BBS7: variants seen among roughly 807,000 people sequenced by gnomAD.
The protein encoded by BBS7 is BBSome complex member BBS7.
A neutral mutation model predicts 90.3 loss-of-function variants in BBS7; 50 were observed. That is an observed-to-expected ratio of 0.55 (90% CI 0.44 to 0.70). The LOEUF (loss-of-function observed/expected upper bound fraction) is 0.70. BBS7 is among the 30% of genes least tolerant of loss of function. The probability of loss-of-function intolerance (pLI) is 0.00; values close to 1 mark genes in which losing one functional copy is unlikely to be tolerated. For missense variants in BBS7, 729 were observed against 838.9 expected (o/e 0.87, Z 1.62); for synonymous variants, 235 against 287.4 (o/e 0.82, Z 1.85).
chr4:121,851,949 C>A (rs1401881691), intron 8 of BBS7, among the ~76,000 whole-genome samples: 1 of 152,104 alleles, frequency 6.6e-6, no homozygotes, highest in African/African-American at 2.4e-5. Context: ...GAATAAAAGT[C>A]AAAGAGGAGA....
chr4:121,848,731 A>G, intron 9 of BBS7, 113 bp downstream of exon 9: 1 of 807,814 alleles, frequency 1.2e-6, no homozygotes, highest in Non-Finnish European at 2.0e-6. Context: ...CCCCATGAAT[A>G]AGGGGGGACT....
intron 7 of BBS7, among the ~76,000 whole-genome samples, chr4:121,853,775 A>C (rs1726449892): frequency 6.7e-6 from 1 of 149,678 alleles, no homozygotes; most frequent in African/African-American, 2.5e-5. Context: ...TCACACTCCC[A>C]CTGACAATTT....
intron 2 of BBS7, among the ~76,000 whole-genome samples, chr4:121,866,891 C>T (rs905454067): frequency 2.0e-5 from 3 of 152,052 alleles, no homozygotes; most frequent in Non-Finnish European, 4.4e-5. Flanking sequence ...TCCTTTTACT[C>T]AGGATTGTTT....
At chr4:121,849,733 G>A (rs1000217542) in intron 8 of BBS7, among the ~76,000 whole-genome samples, 7 of 152,170 alleles carry the variant, frequency 4.6e-5, no homozygotes, top group Non-Finnish European at 1.0e-4. Context: ...GGGAGACTGA[G>A]GCAAGAGAAT....
chr4:121,838,144 C>G (rs1306980931), intron 13 of BBS7, among the ~76,000 whole-genome samples: 1 of 151,080 alleles, frequency 6.6e-6, no homozygotes, highest in Non-Finnish European at 1.5e-5. Flanking sequence ...TCAATTTTTA[C>G]TTGACTTTTG....
intron 4 of BBS7, among the ~76,000 whole-genome samples, chr4:121,860,551 T>G (rs1726919263): frequency 2.6e-5 from 4 of 152,202 alleles, no homozygotes; most frequent in Admixed American, 2.6e-4. Context: ...TTTCTCACAC[T>G]ACTATCCATA....
At chr4:121,836,634 G>C (rs1257919310) in intron 13 of BBS7, among the ~76,000 whole-genome samples, 1 of 152,010 alleles carries the variant, frequency 6.6e-6, no homozygotes, top group South Asian at 2.1e-4. Context: ...CTACTTTTCT[G>C]CTTCTACAAG....
intron 15 of BBS7, among the ~76,000 whole-genome samples, chr4:121,828,943 T>C (rs983605057): frequency 4.0e-5 from 6 of 151,244 alleles, no homozygotes; most frequent in Admixed American, 6.6e-5. Flanking sequence ...AAACAAGATA[T>C]ATGCCTCCTA....
chr4:121,827,319 A>G (rs1004304195), intron 18 of BBS7, among the ~76,000 whole-genome samples: 5 of 152,200 alleles, frequency 3.3e-5, no homozygotes, highest in Admixed American at 2.0e-4. Flanking sequence ...AGTGATACCA[A>G]TTGGCTCTAC....
intron 2 of BBS7, among the ~76,000 whole-genome samples, chr4:121,866,353 T>G (rs1461566703): frequency 2.0e-5 from 3 of 152,136 alleles, no homozygotes; most frequent in Non-Finnish European, 4.4e-5. Context: ...TGTTTTGTTT[T>G]GTTTTGTTTT....
chr4:121,848,576 T>G (rs1459272483), intron 9 of BBS7, among the ~76,000 whole-genome samples: 1 of 152,200 alleles, frequency 6.6e-6, no homozygotes, highest in African/African-American at 2.4e-5. Context: ...TCTATTTTAT[T>G]ATTCGTTATT....
intron 5 of BBS7, among the ~76,000 whole-genome samples, chr4:121,856,405 T>A (rs886468468): frequency 2.0e-5 from 3 of 152,178 alleles, no homozygotes; most frequent in Non-Finnish European, 2.9e-5. Context: ...ATATCCATGA[T>A]CTATAATTCA....
At chr4:121,844,053 T>C (rs1171121686) in intron 11 of BBS7, 52 bp from the exon 12 acceptor site, 1 of 1,141,672 alleles carries the variant, frequency 8.8e-7, no homozygotes, top group Non-Finnish European at 1.3e-6. Flanking sequence ...CCTAAAAATG[T>C]TCATAAATTA....
rs559578063 is a variant in BBS7 at position 121,827,274 on chromosome 4, A to C, written c.2014+872T>G. On this transcript the variant is annotated intron_variant, in intron 18 of 18. Transcript: ENST00000264499. ...GAAAGTCTCTGGATATGTAATAAAA[A>C]ATTCAGTAGGCAGGCTTAAGGATCC... Among the ~76,000 whole-genome samples, 8 of 152,320 alleles carry C rather than the reference A, an allele frequency of 5.3e-5. No homozygotes were observed. The South Asian group carries it at 1.7e-3, about 32-fold the overall frequency.
At chr4:121,829,135 TC>T (rs1465494981) in intron 15 of BBS7, among the ~76,000 whole-genome samples, 1 of 152,190 alleles carries the variant, frequency 6.6e-6, no homozygotes, top group East Asian at 1.9e-4. Context: ...ATATGCTTTA[TC>T]CTTAAAAGAA....
At chr4:121,850,112 T>A (rs183146868) in intron 8 of BBS7, among the ~76,000 whole-genome samples, 2 of 152,150 alleles carry the variant, frequency 1.3e-5, no homozygotes, top group Non-Finnish European at 2.9e-5. Flanking sequence ...AATCTGTATT[T>A]TTTTTTATTT....
At chr4:121,858,949 T>C (rs1319294425) in intron 5 of BBS7, 43 bp downstream of exon 5, 1 of 1,556,018 alleles carries the variant, frequency 6.4e-7, no homozygotes, top group South Asian at 1.1e-5. Flanking sequence ...TTGATATTCT[T>C]TCACATAATA....
rs1371676654 is a variant in BBS7 at position 121,825,316 on chromosome 4, A to G, written c.*544T>C. The G allele has an allele frequency of 1.3e-5, 2 of 152,422 alleles. No individual in the cohort carries two copies. The highest frequency in any genetic ancestry group is 4.8e-5 in the African/African-American group (2 of 41,454). The allele number at this position is 152,422 out of a possible 1,614,324, so 9.4% of individuals were successfully genotyped here. A position where few individuals can be genotyped will look rare whatever the true frequency, so the allele number is the denominator to read the frequency against. On this transcript the variant is annotated 3_prime_UTR_variant, in exon 19 of 19. Transcript: ENST00000264499. ...GGTTATTTCCACTAGCTGGCAACAT[A>G]CATAGTAACCAGGACACAAAGCAAG...
chr4:121,854,676 C>T, intron 7 of BBS7, 28 bp downstream of exon 7: 1 of 1,603,118 alleles, frequency 6.2e-7, no homozygotes, highest in Non-Finnish European at 8.5e-7. Context: ...ATTGACACCT[C>T]AGAATCTGAA....
Sources: gnomAD v4.1 joint callset for allele counts (sites outside exome capture counted in the v4.1 genomes callset) on GRCh38, gnomAD v4.1.1 for gene constraint, MANE v1.5 for transcripts, NCBI Gene and HGNC (gene_info 2026-07-23, HGNC 2026-07-21) for gene names.